Variants in PTPRD observed in about 807,000 individuals in gnomAD.
PTPRD encodes the protein receptor-type tyrosine-protein phosphatase delta.
PTPRD carries 34 observed loss-of-function variants against 214.5 expected under a neutral mutation model. The observed-to-expected ratio is 0.16, with a 90% confidence interval of 0.12 to 0.21. PTPRD has a LOEUF of 0.21. Ranked by LOEUF, PTPRD falls within the 10% of genes least tolerant of loss-of-function variation. PTPRD has a pLI of 1.00. For missense variants in PTPRD, 2,545 were observed against 2,398.7 expected (o/e 1.06, Z -1.27); for synonymous variants, 1,128 against 845.7 (o/e 1.33, Z -5.79).
chr9:9,379,269 C>G (rs574760135), intron 9 of PTPRD, among the ~76,000 whole-genome samples: 39 of 149,098 alleles, frequency 2.6e-4, no homozygotes, highest in African/African-American at 9.3e-4. Flanking sequence ...TGTTCAATGT[C>G]CCTCTCCCAT....
chr9:10,350,830 T>C (rs1268425781), intron 2 of PTPRD, among the ~76,000 whole-genome samples: 1 of 152,138 alleles, frequency 6.6e-6, no homozygotes, highest in Admixed American at 6.6e-5. Flanking sequence ...ATATTGAGCG[T>C]GGTGGGATAC....
intron 3 of PTPRD, among the ~76,000 whole-genome samples, chr9:10,164,662 T>G (rs984523726): frequency 1.3e-5 from 2 of 151,590 alleles, no homozygotes; most frequent in Non-Finnish European, 3.0e-5. Flanking sequence ...AGTTCATAAG[T>G]AAAATATCAA....
At chr9:10,133,687 AC>A (rs1156982532) in intron 3 of PTPRD, among the ~76,000 whole-genome samples, 1 of 152,182 alleles carries the variant, frequency 6.6e-6, no homozygotes, top group African/African-American at 2.4e-5. Flanking sequence ...TAATATGTTC[AC>A]CAATAGATAG....
chr9:8,691,220 A>G (rs1457153626), intron 12 of PTPRD, among the ~76,000 whole-genome samples: 1 of 152,104 alleles, frequency 6.6e-6, no homozygotes, highest in Non-Finnish European at 1.5e-5. Flanking sequence ...CTAAGGGAGA[A>G]GAGAAAAAAA....
intron 11 of PTPRD, among the ~76,000 whole-genome samples, chr9:8,992,453 C>A (rs982035486): frequency 6.6e-6 from 1 of 152,128 alleles, no homozygotes; most frequent in South Asian, 2.1e-4. Flanking sequence ...CTATTCCCAG[C>A]AGGATGGTTG....
chr9:8,776,855 AATATT>A (rs956401864), intron 11 of PTPRD, among the ~76,000 whole-genome samples: 3 of 147,612 alleles, frequency 2.0e-5, no homozygotes, highest in Non-Finnish European at 3.0e-5. Flanking sequence ...ATAATATAAA[AATATT>A]ATATAATACA....
intron 12 of PTPRD, among the ~76,000 whole-genome samples, chr9:8,692,962 G>C (rs182587780): frequency 8.6e-4 from 131 of 152,322 alleles, no homozygotes; most frequent in African/African-American, 2.5e-3. Context: ...CTTAACGCCA[G>C]TGTGATTCAA....
At chr9:9,229,141 T>C (rs73388861) in intron 9 of PTPRD, among the ~76,000 whole-genome samples, 10,353 of 152,212 alleles carry the variant, frequency 0.068, 406 homozygotes, top group African/African-American at 0.096. Context: ...TATCACATTT[T>C]ATTGCTATAT....
At chr9:10,380,844 C>T (rs2097805306) in intron 2 of PTPRD, among the ~76,000 whole-genome samples, 1 of 151,854 alleles carries the variant, frequency 6.6e-6, no homozygotes, top group South Asian at 2.1e-4. Context: ...TATTTGAGTT[C>T]AATTGTGATT....
chr9:9,569,735 A>C (rs1466856828), intron 8 of PTPRD, among the ~76,000 whole-genome samples: 1 of 151,616 alleles, frequency 6.6e-6, no homozygotes, highest in Non-Finnish European at 1.5e-5. Flanking sequence ...CTTGTTCCTG[A>C]CATGTCGGGA....
At chr9:9,487,386 G>A (rs367865230) in intron 8 of PTPRD, among the ~76,000 whole-genome samples, 3 of 152,092 alleles carry the variant, frequency 2.0e-5, no homozygotes, top group East Asian at 1.9e-4. Flanking sequence ...CAAAGGACAC[G>A]AACTCATCCT....
rs1564203251 is a variant in PTPRD at position 8,353,959 on chromosome 9, TATA to T, written c.4662-11984_4662-11982del. Among the ~76,000 whole-genome samples the T allele has an allele frequency of 2.5e-4, 28 of 111,818 alleles. 1 individual carries two copies. Among genetic ancestry groups the T allele is most frequent in the Non-Finnish European group, 2.8e-4 (14 of 49,842 alleles). The allele number at this position is 111,818 out of a possible 152,430, so 73.4% of individuals were successfully genotyped here. A position where few individuals can be genotyped will look rare whatever the true frequency, so the allele number is the denominator to read the frequency against. On this transcript the variant is annotated intron_variant, in intron 39 of 45. Coordinates refer to ENST00000381196, the MANE Select transcript of PTPRD (RefSeq NM_002839.4). ...GTACATATATATATATATATATATATATATGTTTTTTTTTTTTTGAGAAGGAGT... is the reference window on the plus strand; with the variant it reads ...GTACATATATATATATATATATATATTGTTTTTTTTTTTTTGAGAAGGAGT...
At chr9:9,469,841 A>C (rs368756289) in intron 8 of PTPRD, among the ~76,000 whole-genome samples, 2 of 152,324 alleles carry the variant, frequency 1.3e-5, no homozygotes, top group South Asian at 2.1e-4. Flanking sequence ...AATCAAATGC[A>C]GTCATGGCAT....
chr9:9,908,221 C>G (rs1322657579), intron 5 of PTPRD, among the ~76,000 whole-genome samples: 1 of 151,966 alleles, frequency 6.6e-6, no homozygotes, highest in Admixed American at 6.6e-5. Context: ...CTGGAATTTA[C>G]ACATATAGAA....
chr9:8,997,516 C>G (rs2099401617), intron 11 of PTPRD, among the ~76,000 whole-genome samples: 3 of 152,038 alleles, frequency 2.0e-5, no homozygotes. Context: ...GTTTAACTGA[C>G]AAATGTGAGT....
At chr9:9,145,908 C>T (rs1992672) in intron 10 of PTPRD, among the ~76,000 whole-genome samples, 86,117 of 152,088 alleles carry the variant, frequency 0.57, 25,100 homozygotes, top group African/African-American at 0.7. Context: ...AACATAGGCA[C>T]GTATCATCAA....
chr9:9,918,047 G>C (rs2081436084), intron 5 of PTPRD, among the ~76,000 whole-genome samples: 1 of 151,970 alleles, frequency 6.6e-6, no homozygotes, highest in South Asian at 2.1e-4. Flanking sequence ...AGTATTCGAA[G>C]TCCTACCCAG....
intron 6 of PTPRD, among the ~76,000 whole-genome samples, chr9:9,739,862 A>G (rs934869053): frequency 6.6e-6 from 1 of 152,046 alleles, no homozygotes; most frequent in Admixed American, 6.6e-5. Context: ...TTCACTTGTA[A>G]TACTGGCTTT....
At chr9:9,763,354 T>C (rs557296960) in intron 6 of PTPRD, among the ~76,000 whole-genome samples, 1 of 152,292 alleles carries the variant, frequency 6.6e-6, no homozygotes, top group Admixed American at 6.5e-5. Context: ...ATCAAATACA[T>C]GACTGAGTAC....
Sources: gnomAD v4.1 joint callset for allele counts (sites outside exome capture counted in the v4.1 genomes callset) on GRCh38, gnomAD v4.1.1 for gene constraint, MANE v1.5 for transcripts, NCBI Gene and HGNC (gene_info 2026-07-23, HGNC 2026-07-21) for gene names.